Variants in HS3ST5 observed in about 807,000 individuals in gnomAD.
The protein encoded by HS3ST5 is heparan sulfate-glucosamine 3-sulfotransferase 5, also known as heparan sulfate glucosamine 3-O-sulfotransferase 5.
In HS3ST5, 10 loss-of-function variants were observed where a neutral mutation model predicts 25.4. That is an observed-to-expected ratio of 0.39 (90% confidence interval 0.24 to 0.67). The LOEUF (loss-of-function observed/expected upper bound fraction) is 0.67, where lower values mean the gene tolerates loss of function less well. Ranked by LOEUF, HS3ST5 falls within the 30% of genes least tolerant of loss-of-function variation. The probability of loss-of-function intolerance (pLI) is 0.44; values close to 1 mark genes in which losing one functional copy is unlikely to be tolerated. For missense variants in HS3ST5, 324 were observed against 420.7 expected (o/e 0.77, Z 2.01); for synonymous variants, 170 against 162.4 (o/e 1.05, Z -0.36).
At chr6:114,236,066 G>A (rs190089733) in intron 1 of HS3ST5, among the ~76,000 whole-genome samples, 1 of 152,296 alleles carries the variant, frequency 6.6e-6, no homozygotes, top group East Asian at 1.9e-4. Context: ...ACCCTAAACT[G>A]TGGTACCTTC....
intron 1 of HS3ST5, among the ~76,000 whole-genome samples, chr6:114,314,114 G>C (rs1775654922): frequency 6.6e-6 from 1 of 152,176 alleles, no homozygotes; most frequent in Admixed American, 6.5e-5. Flanking sequence ...TCTTTGTAGA[G>C]ATGGGGTTTC....
At chr6:114,108,453 G>A (rs1252358717) in intron 3 of HS3ST5, among the ~76,000 whole-genome samples, 2 of 152,104 alleles carry the variant, frequency 1.3e-5, no homozygotes, top group South Asian at 2.1e-4. Flanking sequence ...GAAAATGCCC[G>A]AGGACGTATT....
intron 1 of HS3ST5, among the ~76,000 whole-genome samples, chr6:114,338,311 GTA>G (rs1199637176): frequency 6.6e-6 from 1 of 151,110 alleles, no homozygotes; most frequent in Non-Finnish European, 1.5e-5. Context: ...TACACATTGT[GTA>G]TATATATACA....
intron 3 of HS3ST5, among the ~76,000 whole-genome samples, chr6:114,165,603 T>C (rs1005014624): frequency 3.9e-5 from 6 of 152,072 alleles, no homozygotes; most frequent in South Asian, 2.1e-4. Context: ...GATGAGAAAA[T>C]TGAAGCATGA....
chr6:114,319,524 C>G (rs1775879236), intron 1 of HS3ST5, among the ~76,000 whole-genome samples: 1 of 152,032 alleles, frequency 6.6e-6, no homozygotes, highest in African/African-American at 2.4e-5. Flanking sequence ...TTTAATTCTA[C>G]TTTTTTTCTC....
intron 4 of HS3ST5, among the ~76,000 whole-genome samples, chr6:114,060,168 C>T (rs1773022519): frequency 1.3e-5 from 2 of 151,794 alleles, no homozygotes; most frequent in African/African-American, 4.8e-5. Context: ...CGTGCGCCAC[C>T]ATACCCAGCT....
intron 2 of HS3ST5, among the ~76,000 whole-genome samples, chr6:114,199,600 T>A (rs200570329): frequency 8.5e-6 from 1 of 117,946 alleles, no homozygotes; most frequent in Non-Finnish European, 1.8e-5. Context: ...AATAAGAGAA[T>A]CCTCCTGTTG....
At chr6:114,253,391 A>G (rs1772754763) in intron 1 of HS3ST5, among the ~76,000 whole-genome samples, 10 of 152,196 alleles carry the variant, frequency 6.6e-5, no homozygotes, top group Admixed American at 6.5e-4. Flanking sequence ...CAAAGATCCA[A>G]AGAATCGCTG....
intron 2 of HS3ST5, among the ~76,000 whole-genome samples, chr6:114,196,211 C>G (rs1166639083): frequency 6.6e-6 from 1 of 152,142 alleles, no homozygotes; most frequent in Non-Finnish European, 1.5e-5. Flanking sequence ...CCGGGTGGTA[C>G]TTCACAATGA....
chr6:114,255,904 A>G lies in HS3ST5; in HGVS notation c.-338-27126T>C, dbSNP rs1177967111. On this transcript the variant is annotated intron_variant, in intron 1 of 4. Transcript: ENST00000312719. ...GCAAAGGTCTCTGACATGCCAGGAG[A>G]CATTTTCCCCATTGTCTTGGTGATT... is the stretch of plus-strand genomic sequence containing the variant. Among the ~76,000 whole-genome samples, 5 of 152,078 alleles carry G rather than the reference A, an allele frequency of 3.3e-5. No individual in the cohort carries two copies. The East Asian group carries it at 9.7e-4, about 29-fold the overall frequency.
chr6:114,073,802 A>G (rs932763884), intron 3 of HS3ST5, among the ~76,000 whole-genome samples: 1 of 152,228 alleles, frequency 6.6e-6, no homozygotes, highest in Non-Finnish European at 1.5e-5. Flanking sequence ...CTGGGTATAT[A>G]CCCAAAGGAT....
intron 3 of HS3ST5, among the ~76,000 whole-genome samples, chr6:114,072,394 T>G (rs1773873903): frequency 6.6e-6 from 1 of 152,176 alleles, no homozygotes; most frequent in Middle Eastern, 3.2e-3. Context: ...GGCTCCTACT[T>G]TGGAAGCCAG....
At chr6:114,240,044 C>G (rs1448317968) in intron 1 of HS3ST5, among the ~76,000 whole-genome samples, 1 of 150,440 alleles carries the variant, frequency 6.6e-6, no homozygotes, top group Non-Finnish European at 1.5e-5. Flanking sequence ...ACCGCTTACT[C>G]TCTATTACAC....
intron 3 of HS3ST5, among the ~76,000 whole-genome samples, chr6:114,167,012 G>T (rs1043302916): frequency 3.9e-5 from 6 of 152,138 alleles, no homozygotes; most frequent in African/African-American, 1.4e-4. Context: ...TTGAGACAGG[G>T]TCTCACTTTG....
intron 3 of HS3ST5, among the ~76,000 whole-genome samples, chr6:114,098,630 A>G (rs1439223032): frequency 6.6e-6 from 1 of 151,236 alleles, no homozygotes; most frequent in Non-Finnish European, 1.5e-5. Context: ...GACAACTAGG[A>G]AATACTTGAT....
At chr6:114,168,669 T>C (rs1779330304) in intron 2 of HS3ST5, among the ~76,000 whole-genome samples, 1 of 152,202 alleles carries the variant, frequency 6.6e-6, no homozygotes, top group Non-Finnish European at 1.5e-5. Flanking sequence ...AGAAATCACA[T>C]TTGAGCTTAA....
intron 1 of HS3ST5, among the ~76,000 whole-genome samples, chr6:114,268,702 G>A (rs1489274102): frequency 6.6e-6 from 1 of 152,212 alleles, no homozygotes; most frequent in Admixed American, 6.5e-5. Flanking sequence ...GGGAGATGCA[G>A]TAAGGAGTGT....
intron 1 of HS3ST5, among the ~76,000 whole-genome samples, chr6:114,297,116 G>A (rs1474436878): frequency 6.6e-6 from 1 of 152,104 alleles, no homozygotes; most frequent in East Asian, 1.9e-4. Context: ...GATGGACAGA[G>A]GCCCAGAGAG....
chr6:114,174,002 A>G (rs1366746643), intron 2 of HS3ST5, among the ~76,000 whole-genome samples: 2 of 152,094 alleles, frequency 1.3e-5, no homozygotes, highest in African/African-American at 4.8e-5. Context: ...CAACACTTCA[A>G]AGACCTCTCT....
Sources: gnomAD v4.1 joint callset for allele counts (sites outside exome capture counted in the v4.1 genomes callset) on GRCh38, gnomAD v4.1.1 for gene constraint, MANE v1.5 for transcripts, NCBI Gene and HGNC (gene_info 2026-07-23, HGNC 2026-07-21) for gene names.